EPHA7: variants seen among roughly 807,000 people sequenced by gnomAD.
EPHA7 encodes the protein EPH receptor A7.
EPHA7 carries 25 observed loss-of-function variants against 112.6 expected under a neutral mutation model. The ratio of observed to expected loss-of-function variants is 0.22; its 90% confidence interval spans 0.16 to 0.31. The LOEUF is 0.31. EPHA7 is among the 10% of genes least tolerant of loss of function. The pLI is 1.00. For missense variants in EPHA7, 962 were observed against 1,212.6 expected, an observed-to-expected ratio of 0.79 and a Z score of 3.07; for synonymous variants, 437 against 406.5, an observed-to-expected ratio of 1.07 and a Z score of -0.90.
chr6:93,245,474 A>G, intron 15 of EPHA7, 21 bp from the exon 16 acceptor site: 1 of 1,601,406 alleles, frequency 6.2e-7, no homozygotes, highest in Non-Finnish European at 8.5e-7. Context: ...ATGAAACAGA[A>G]AAGCGAACAT....
Position 93,309,030 on chromosome 6 carries a change from C to T in EPHA7, c.1325-36608G>A, listed in dbSNP as rs181030981. Among the ~76,000 whole-genome samples, 41 of 152,084 alleles carry T rather than the reference C, an allele frequency of 2.7e-4. No individual in the cohort carries two copies. The East Asian group carries it at 7.4e-3, about 27-fold the overall frequency. On this transcript the variant is annotated intron_variant, in intron 5 of 16. Coordinates refer to ENST00000369303, the MANE Select transcript of EPHA7 (RefSeq NM_004440.4). The stretch of plus-strand genomic sequence containing the variant: ...ATGGCATGATCTCCGCTCACTGCAA[C>T]CTCCACCTCCCGGGTTCAAGTGATT...
At chr6:93,402,182 TTA>T (rs1778465659) in intron 3 of EPHA7, among the ~76,000 whole-genome samples, 1 of 152,022 alleles carries the variant, frequency 6.6e-6, no homozygotes, top group Non-Finnish European at 1.5e-5. Flanking sequence ...CCGTATTTCC[TTA>T]TGTTCTCCCC....
At chr6:93,419,148 C>A in intron 1 of EPHA7, 97 bp downstream of exon 1, 1 of 999,400 alleles carries the variant, frequency 1.0e-6, no homozygotes, top group Non-Finnish European at 1.4e-6. Flanking sequence ...CGCCCGGCGC[C>A]GGAGGCGCGG....
At chr6:93,252,476 T>C (rs1213432087) in intron 14 of EPHA7, among the ~76,000 whole-genome samples, 3 of 151,896 alleles carry the variant, frequency 2.0e-5, no homozygotes, top group Non-Finnish European at 4.4e-5. Flanking sequence ...AGTTTCCACA[T>C]GTATCAGGGG....
chr6:93,379,612 G>A (rs1168462793), intron 3 of EPHA7, among the ~76,000 whole-genome samples: 1 of 151,920 alleles, frequency 6.6e-6, no homozygotes, highest in African/African-American at 2.4e-5. Context: ...ATGCCAAAAG[G>A]TTTATACGGC....
intron 3 of EPHA7, among the ~76,000 whole-genome samples, chr6:93,375,493 C>T (rs1777011055): frequency 6.6e-6 from 1 of 151,714 alleles, no homozygotes; most frequent in South Asian, 2.1e-4. Context: ...TGGCATGTGC[C>T]TGTAGTTCCA....
At chr6:93,277,380 G>A (rs1053571768) in intron 5 of EPHA7, among the ~76,000 whole-genome samples, 11 of 151,818 alleles carry the variant, frequency 7.2e-5, no homozygotes, top group Admixed American at 6.6e-4. Context: ...AGAGTATGTA[G>A]ACATACATAA....
At chr6:93,318,130 C>A (rs1487571825) in intron 5 of EPHA7, among the ~76,000 whole-genome samples, 2 of 152,154 alleles carry the variant, frequency 1.3e-5, no homozygotes, top group Admixed American at 1.3e-4. Context: ...ATCTCTCTTG[C>A]TAATTCAAGG....
In EPHA7 at chr6:93,358,267, A is replaced by T. The variant is rs1776057084; in HGVS notation, c.977T>A (p.Val326Asp). ...YYRAPSDPPY[V>D]ACTRPPSAPQ... is the part of the protein sequence containing the mutation. ...ATAATACAACTCACTTGTGCACGCA[A>T]CGTATGGTGGGTCAGATGGAGCCCT... The change falls in exon 4 of 17, where the codon GTT (valine) becomes GAT (aspartate). Residue 326 changes from valine to aspartate, a missense_variant. Coordinates refer to ENST00000369303, the MANE Select transcript of EPHA7 (RefSeq NM_004440.4). 6.2e-7 allele frequency: 1 copy of T among 1,610,800 alleles called. No homozygotes were observed. The highest frequency in any genetic ancestry group is 8.5e-7 in the Non-Finnish European group (1 of 1,178,344).
chr6:93,405,799 GTGTGTGTGTGTGTGTATA>G lies in EPHA7; in HGVS notation c.832+4684_832+4701del, dbSNP rs1225381545. Among the ~76,000 whole-genome samples, 28 of 68,874 alleles carry G rather than the reference GTGTGTGTGTGTGTGTATA, an allele frequency of 4.1e-4. 1 individual carries two copies. Among genetic ancestry groups the G allele is most frequent in the Middle Eastern group, 6.5e-3 (1 of 154 alleles). 45.2% of individuals were successfully genotyped at this position (68,874 alleles called of 152,430 possible). A position where few individuals can be genotyped will look rare whatever the true frequency, so the allele number is the denominator to read the frequency against. On this transcript the variant is annotated intron_variant, in intron 3 of 16. Transcript: ENST00000369303. ...TCTGTATATATGTGTGTGTGTGTGT[GTGTGTGTGTGTGTGTATA>G]TATATATATATATATATATATATAT...
Position 93,293,090 on chromosome 6 carries a change from A to T in EPHA7, c.1325-20668T>A, listed in dbSNP as rs189845152. Among the ~76,000 whole-genome samples, 567 of 152,136 alleles carry T rather than the reference A, an allele frequency of 3.7e-3. 4 individuals are homozygous for T. Among genetic ancestry groups the T allele is most frequent in the Non-Finnish European group, 6.2e-3 (424 of 67,956 alleles). On this transcript the variant is annotated intron_variant, in intron 5 of 16. Transcript: ENST00000369303. The stretch of plus-strand genomic sequence containing the variant: ...TCTAATATTAAGTTAAAGATTTTTT[A>T]AAAATATTGACAAAATCATACACAT...
intron 5 of EPHA7, among the ~76,000 whole-genome samples, chr6:93,329,875 A>G (rs1207816351): frequency 6.6e-6 from 1 of 151,286 alleles, no homozygotes; most frequent in Non-Finnish European, 1.5e-5. Flanking sequence ...CAAAAACAAC[A>G]AAGACTCATT....
intron 5 of EPHA7, among the ~76,000 whole-genome samples, chr6:93,290,113 T>C (rs1048091722): frequency 3.9e-5 from 6 of 152,022 alleles, no homozygotes; most frequent in Non-Finnish European, 8.8e-5. Context: ...TTGTCATATA[T>C]GTATATGTGC....
At position 93,410,453 on chromosome 6, in the gene EPHA7, T is replaced by G. The variant is rs759447453; in HGVS notation, c.832+48A>C. 1.3e-6 allele frequency: 2 copies of G among 1,518,184 alleles called. No homozygotes were observed. The highest frequency in any genetic ancestry group is 1.8e-6 in the Non-Finnish European group (2 of 1,116,984). The allele number at this position is 1,518,184 out of a possible 1,614,324, so 94.0% of individuals were successfully genotyped here. ...TATTAAAGTTTAAAATGTCTGATACTGAAATTTAAAAAGGCAAAGTGGAGT... is the reference window on the plus strand; with the variant it reads ...TATTAAAGTTTAAAATGTCTGATACGGAAATTTAAAAAGGCAAAGTGGAGT... On this transcript the variant is annotated intron_variant, in intron 3 of 16. Coordinates refer to ENST00000369303, the MANE Select transcript of EPHA7 (RefSeq NM_004440.4). The surrounding 1 kb of genome is among the most constrained non-coding windows in gnomAD (Gnocchi z 4.0).
At position 93,242,007 on chromosome 6, in the gene EPHA7, G is replaced by A. The variant is rs184035189; in HGVS notation, c.*1419C>T. ...CCCAATTCTCTTTGGAAGTACAACAGTTCAATTCTGGGGTAGTTCATGATT... is the reference window on the plus strand; with the variant it reads ...CCCAATTCTCTTTGGAAGTACAACAATTCAATTCTGGGGTAGTTCATGATT... On this transcript the variant is annotated 3_prime_UTR_variant, in exon 17 of 17. Coordinates refer to ENST00000369303, the MANE Select transcript of EPHA7 (RefSeq NM_004440.4). 96 of 210,278 alleles carry A rather than the reference G, an allele frequency of 4.6e-4. No homozygotes were observed. In the East Asian group the frequency reaches 6.4e-3, roughly 14 times the overall value. 13.0% of individuals were successfully genotyped at this position (210,278 alleles called of 1,614,324 possible).
chr6:93,334,094 A>C (rs927648952), intron 5 of EPHA7, among the ~76,000 whole-genome samples: 1 of 152,002 alleles, frequency 6.6e-6, no homozygotes, highest in African/African-American at 2.4e-5. Flanking sequence ...GAGCCCAGAA[A>C]TAAAGCTGCA....
intron 5 of EPHA7, among the ~76,000 whole-genome samples, chr6:93,281,052 G>C (rs1771711247): frequency 6.6e-6 from 1 of 152,092 alleles, no homozygotes. Flanking sequence ...ATAAATGCTG[G>C]CAATGTTAGA....
At chr6:93,260,872 GAA>G (rs1477032765) in intron 9 of EPHA7, 1 of 394,736 alleles carries the variant, frequency 2.5e-6, no homozygotes, top group African/African-American at 2.2e-5. Flanking sequence ...AAGGGGAAGA[GAA>G]AAAGAGAGAA....
At chr6:93,267,674 A>T (rs778355317) in intron 7 of EPHA7, among the ~76,000 whole-genome samples, 4 of 151,698 alleles carry the variant, frequency 2.6e-5, no homozygotes, top group African/African-American at 9.7e-5. Context: ...CTTAACATAC[A>T]TTTCATGTGA....
Sources: allele counts gnomAD v4.1 joint callset (sites outside exome capture counted in the v4.1 genomes callset), GRCh38; gene constraint gnomAD v4.1.1; non-coding constraint Gnocchi (gnomAD v3.1); transcripts MANE v1.5; gene names NCBI Gene and HGNC (gene_info 2026-07-23, HGNC 2026-07-21).